Variants in RNF111 observed in about 807,000 individuals in gnomAD.
RNF111 encodes the protein ring finger protein 111, also known as E3 ubiquitin-protein ligase Arkadia.
A neutral mutation model predicts 95.1 loss-of-function variants in RNF111; 17 were observed. That is an observed-to-expected ratio of 0.18 (90% CI 0.12 to 0.27). RNF111 has a LOEUF of 0.27. RNF111 is among the 10% of genes least tolerant of loss of function. The pLI, the probability that RNF111 is intolerant of heterozygous loss-of-function variation, is 1.00. For missense variants in RNF111, 1,189 were observed against 1,210.4 expected, an observed-to-expected ratio of 0.98 and a Z score of 0.26; for synonymous variants, 440 against 414.8, an observed-to-expected ratio of 1.06 and a Z score of -0.74.
chr15:59,078,226 T>C (rs1159183135), intron 7 of RNF111, among the ~76,000 whole-genome samples: 4 of 152,242 alleles, frequency 2.6e-5, no homozygotes, highest in Non-Finnish European at 5.9e-5. Context: ...TGCTGTTTCA[T>C]AAGTACATTT....
chr15:58,996,267 C>T (rs1302060873), intron 1 of RNF111, among the ~76,000 whole-genome samples: 1 of 152,056 alleles, frequency 6.6e-6, no homozygotes, highest in Non-Finnish European at 1.5e-5. Flanking sequence ...TTTTAAGAAA[C>T]TTTAAAATGA....
chr15:59,043,030 A>G (rs1431739289), intron 2 of RNF111, among the ~76,000 whole-genome samples: 2 of 151,944 alleles, frequency 1.3e-5, no homozygotes, highest in African/African-American at 4.8e-5. Flanking sequence ...TCATTTGTTG[A>G]TGTCTAGTTT....
Position 59,055,697 on chromosome 15 carries a change from T to G in RNF111, c.1023T>G (p.Leu341=), listed in dbSNP as rs779029616. The part of the protein sequence containing the change: ...VGESYRSRST[L]GHSRSHWSQG... ...GTCATTTAAGGTCTCGTTCAACCCT[T>G]GGACACTCCAGATCTCATTGGAGCC... Residue 341 remains leucine (L), a synonymous_variant, in exon 4 of 14, where the codon CTT becomes CTG. Coordinates refer to ENST00000348370, the MANE Select transcript of RNF111 (RefSeq NM_017610.8). 1.2e-6 allele frequency: 2 copies of G among 1,613,094 alleles called. No individual in the cohort carries two copies. The highest frequency in any genetic ancestry group is 2.2e-5 in the South Asian group (2 of 90,956).
At chr15:58,991,929 TTG>T (rs2038835076) in intron 1 of RNF111, among the ~76,000 whole-genome samples, 1 of 152,212 alleles carries the variant, frequency 6.6e-6, no homozygotes, top group Non-Finnish European at 1.5e-5. Flanking sequence ...CAAGGAGTTA[TTG>T]TAACTTTGTT....
At chr15:59,058,943 G>A (rs183558737) in intron 5 of RNF111, among the ~76,000 whole-genome samples, 1 of 152,224 alleles carries the variant, frequency 6.6e-6, no homozygotes, top group African/African-American at 2.4e-5. Context: ...TCCTTTATCT[G>A]ATAAGCACTT....
At chr15:59,020,869 T>G (rs1184252205) in intron 1 of RNF111, among the ~76,000 whole-genome samples, 2 of 152,234 alleles carry the variant, frequency 1.3e-5, no homozygotes, top group Non-Finnish European at 2.9e-5. Flanking sequence ...TACTTCAAAC[T>G]TTTGTGGGAA....
In RNF111 at chr15:59,095,018, G is replaced by A; in HGVS notation, c.*118G>A. The A allele has an allele frequency of 1.3e-6, 1 of 746,752 alleles. No individual in the cohort carries two copies. The highest frequency in any genetic ancestry group is 2.4e-6 in the Non-Finnish European group (1 of 410,864). The allele number at this position is 746,752 out of a possible 1,614,324, so 46.3% of individuals were successfully genotyped here. Reference sequence around the variant, plus strand: ...TGGAAGCATTGAACTTAGAGTGCTGGCTCTGCTATATGGTACAACTAATGC... The same window carrying A: ...TGGAAGCATTGAACTTAGAGTGCTGACTCTGCTATATGGTACAACTAATGC... On this transcript the variant is annotated 3_prime_UTR_variant, in exon 14 of 14. Coordinates refer to ENST00000348370, the MANE Select transcript of RNF111 (RefSeq NM_017610.8).
At chr15:59,081,767 C>A (rs143816615) in intron 8 of RNF111, among the ~76,000 whole-genome samples, 3 of 151,024 alleles carry the variant, frequency 2.0e-5, no homozygotes, top group Admixed American at 6.6e-5. Flanking sequence ...TGATTCACCC[C>A]TATAATTCCA....
chr15:58,998,193 G>A (rs149599682), intron 1 of RNF111, among the ~76,000 whole-genome samples: 41 of 151,812 alleles, frequency 2.7e-4, no homozygotes, highest in African/African-American at 9.4e-4. Flanking sequence ...ATGAGCCACC[G>A]TGTCTGGCCA....
chr15:59,027,703 A>G (rs1362394581), intron 1 of RNF111, among the ~76,000 whole-genome samples: 1 of 143,016 alleles, frequency 7.0e-6, no homozygotes, highest in Non-Finnish European at 1.5e-5. Flanking sequence ...TAATTTTTGT[A>G]TTTTTAGTAA....
chr15:59,008,453 A>C (rs1217809402), intron 1 of RNF111, among the ~76,000 whole-genome samples: 4 of 152,186 alleles, frequency 2.6e-5, no homozygotes, highest in Admixed American at 2.6e-4. Flanking sequence ...CCTGAGCTCA[A>C]GCAATCCTCC....
chr15:59,094,741 C>T (rs200128935), intron 13 of RNF111, 42 bp from the exon 14 acceptor site: 1 of 1,100,702 alleles, frequency 9.1e-7, no homozygotes, highest in Non-Finnish European at 1.4e-6. Flanking sequence ...GTACAATTAT[C>T]ATAAAATTAA....
chr15:58,989,844 C>G (rs1472525787), intron 1 of RNF111, among the ~76,000 whole-genome samples: 2 of 151,428 alleles, frequency 1.3e-5, no homozygotes, highest in Non-Finnish European at 2.9e-5. Flanking sequence ...CTAATTGAAT[C>G]AAACCATTTA....
In RNF111 at chr15:59,003,550, T is replaced by C. The variant is rs1245992053; in HGVS notation, c.-20+15482T>C. ...AGTAGCTGGGACTACAGGTGCGTGC[T>C]ACCACACCCAGCTAATTTTTTTAAA... is the stretch of plus-strand genomic sequence containing the variant. On this transcript the variant is annotated intron_variant, in intron 1 of 13. Transcript: ENST00000348370. Among the ~76,000 whole-genome samples the C allele has an allele frequency of 3.3e-5, 5 of 151,460 alleles. No individual in the cohort carries two copies. The East Asian group carries it at 9.7e-4, about 30-fold the overall frequency.
intron 1 of RNF111, among the ~76,000 whole-genome samples, chr15:59,017,302 A>G (rs1202162188): frequency 6.6e-6 from 1 of 152,212 alleles, no homozygotes; most frequent in Non-Finnish European, 1.5e-5. Context: ...CATTCAGCAT[A>G]TGTGACAATG....
At chr15:59,054,313 A>G (rs1021907727) in intron 3 of RNF111, among the ~76,000 whole-genome samples, 2 of 152,130 alleles carry the variant, frequency 1.3e-5, no homozygotes, top group Non-Finnish European at 2.9e-5. Flanking sequence ...TACTAATCAT[A>G]GTGGCCACTA....
intron 1 of RNF111, among the ~76,000 whole-genome samples, chr15:59,015,578 A>C (rs116634158): frequency 0.02 from 3,102 of 151,968 alleles, 110 homozygotes; most frequent in African/African-American, 0.069. Context: ...ACAGAAACCT[A>C]TAATCCCTCA....
At chr15:59,062,467 T>TA (rs1457710050) in intron 5 of RNF111, among the ~76,000 whole-genome samples, 1 of 152,232 alleles carries the variant, frequency 6.6e-6, no homozygotes, top group African/African-American at 2.4e-5. Context: ...GTCCTTGTGT[T>TA]ATGCCTACAT....
intron 10 of RNF111, among the ~76,000 whole-genome samples, chr15:59,087,611 A>G (rs1193528704): frequency 1.3e-5 from 2 of 152,224 alleles, no homozygotes; most frequent in Admixed American, 6.5e-5. Context: ...AATTATAAGG[A>G]AGGGAAAATA....
Sources: gnomAD v4.1 joint callset for allele counts (sites outside exome capture counted in the v4.1 genomes callset) on GRCh38, gnomAD v4.1.1 for gene constraint, MANE v1.5 for transcripts, NCBI Gene and HGNC (gene_info 2026-07-23, HGNC 2026-07-21) for gene names.